CCDC180: variants seen among roughly 807,000 people sequenced by gnomAD.
CCDC180 encodes coiled-coil domain containing 180, also known as coiled-coil domain-containing protein 180.
Under a neutral mutation model 209.2 loss-of-function variants are expected in CCDC180, and 154 were observed. The observed-to-expected ratio is 0.74, with a 90% confidence interval of 0.65 to 0.84. The LOEUF (loss-of-function observed/expected upper bound fraction) is 0.84. Among genes scored for constraint, CCDC180 ranks in the 40% least tolerant of loss-of-function variants. The pLI, the probability that CCDC180 is intolerant of heterozygous loss-of-function variation, is 0.00. For synonymous variants in CCDC180, 778 were observed against 749.1 expected (o/e 1.04, Z -0.63); for missense variants, 1,874 against 1,997.3 (o/e 0.94, Z 1.18).
At chr9:97,320,800 C>G (rs1389951140) in intron 11 of CCDC180, among the ~76,000 whole-genome samples, 2 of 152,138 alleles carry the variant, frequency 1.3e-5, no homozygotes. Flanking sequence ...TGTTGTTAGA[C>G]CCCCAACTGC....
At chr9:97,359,289 G>C (rs576909806) in intron 25 of CCDC180, among the ~76,000 whole-genome samples, 2 of 152,190 alleles carry the variant, frequency 1.3e-5, no homozygotes, top group Non-Finnish European at 2.9e-5. Flanking sequence ...CCCAACCCCT[G>C]CTCTGTCCTC....
intron 18 of CCDC180, 34 bp from the exon 19 acceptor site, chr9:97,343,306 T>C: frequency 7.3e-7 from 1 of 1,378,792 alleles, no homozygotes; most frequent in Non-Finnish European, 1.0e-6. Context: ...CATTTGATGA[T>C]ATCAAGTCAA....
In CCDC180 at chr9:97,366,433, C is replaced by T; in HGVS notation, c.4048-126C>T. 1.0e-6 allele frequency: 1 copy of T among 980,704 alleles called. No homozygotes were observed. Among genetic ancestry groups the T allele is most frequent in the Admixed American group, 2.6e-5 (1 of 38,528 alleles). 60.8% of individuals were successfully genotyped at this position (980,704 alleles called of 1,614,324 possible). A position where few individuals can be genotyped will look rare whatever the true frequency, so the allele number is the denominator to read the frequency against. ...GAAGGAGGAGTGTCTGCTCGTGTCACTTCCACAGGGGATGCCACGAGCAAA... is the reference window on the plus strand; with the variant it reads ...GAAGGAGGAGTGTCTGCTCGTGTCATTTCCACAGGGGATGCCACGAGCAAA... On this transcript the variant is annotated intron_variant, in intron 30 of 36. Coordinates refer to ENST00000529487, the MANE Select transcript of CCDC180 (RefSeq NM_020893.6). This position sits in a 1 kb window ranked among gnomAD's most constrained non-coding sequence, Gnocchi z 4.3.
chr9:97,375,436 A>G lies in CCDC180; in HGVS notation c.4707-18A>G, dbSNP rs1447011845. 3 of 1,614,042 alleles carry G rather than the reference A, an allele frequency of 1.9e-6. No homozygotes were observed. The highest frequency in any genetic ancestry group is 4.5e-5 in the East Asian group (2 of 44,888). On this transcript the variant is annotated intron_variant, in intron 35 of 36. Transcript: ENST00000529487. ...ATGAAGACAAGCCTGTGAGATTTTC[A>G]CACATGTTTGTTTGTAGGAAGTGGC...
chr9:97,344,432 G>C (rs948474918), intron 19 of CCDC180, among the ~76,000 whole-genome samples: 1 of 152,122 alleles, frequency 6.6e-6, no homozygotes, highest in Non-Finnish European at 1.5e-5. Context: ...TCTACCAGAG[G>C]CCATCATCTG....
intron 29 of CCDC180, chr9:97,365,421 C>A: frequency 4.4e-6 from 2 of 459,072 alleles, no homozygotes; most frequent in Non-Finnish European, 7.9e-6. Context: ...ATCATTAAAG[C>A]CAGGTGGTCA....
intron 8 of CCDC180, 142 bp downstream of exon 8, chr9:97,315,088 T>C (rs1019948347): frequency 3.2e-6 from 2 of 622,580 alleles, no homozygotes; most frequent in African/African-American, 3.7e-5. Context: ...CAGGTGGGCC[T>C]CTGAGGTAGA....
At chr9:97,327,322 C>T (rs1448301520) in intron 15 of CCDC180, among the ~76,000 whole-genome samples, 1 of 152,032 alleles carries the variant, frequency 6.6e-6, no homozygotes, top group Non-Finnish European at 1.5e-5. Flanking sequence ...TATACACATA[C>T]ATAGTGTTTT....
intron 25 of CCDC180, among the ~76,000 whole-genome samples, chr9:97,358,681 C>T (rs1172562571): frequency 6.6e-6 from 1 of 152,086 alleles, no homozygotes; most frequent in African/African-American, 2.4e-5. Context: ...CAACTCCGGG[C>T]AAATGACTTA....
intron 24 of CCDC180, among the ~76,000 whole-genome samples, chr9:97,355,950 G>A (rs1031876629): frequency 6.6e-5 from 10 of 152,138 alleles, no homozygotes; most frequent in African/African-American, 2.4e-4. Context: ...GAGCACCAGC[G>A]GGCAGACAGT....
chr9:97,311,808 C>A (rs1043424309), intron 3 of CCDC180, among the ~76,000 whole-genome samples: 6 of 152,176 alleles, frequency 3.9e-5, no homozygotes, highest in African/African-American at 1.4e-4. Context: ...TCCTCAGTTT[C>A]CCCAGGTGGG....
intron 31 of CCDC180, 123 bp from the exon 32 acceptor site, chr9:97,369,798 TA>T: frequency 9.8e-7 from 1 of 1,023,840 alleles, no homozygotes; most frequent in Non-Finnish European, 1.4e-6. Context: ...GAATAGCTCT[TA>T]CCACGTTGGA....
chr9:97,363,440 TG>T (rs754174143), intron 28 of CCDC180: 30 of 312,956 alleles, frequency 9.6e-5, no homozygotes, highest in Non-Finnish European at 1.7e-4. Flanking sequence ...CTGCACATCA[TG>T]GGGCAGAGCT....
In CCDC180 at chr9:97,317,124, G is replaced by C. The variant is rs1209397314; in HGVS notation, c.855G>C (p.Leu285=). The part of the protein sequence containing the change: ...RKALAQLFVN[L]MESTLQQELD... ...CTCTCGCCCAGCTGTTTGTCAACCT[G>C]ATGGAGTCCACCCTGCAGCAGGAGC... The change falls in exon 9 of 37, where the codon CTG becomes CTC. Residue 285 remains leucine (L), a synonymous_variant. Transcript: ENST00000529487. 6.2e-7 allele frequency: 1 copy of C among 1,613,386 alleles called. No homozygotes were observed. Among genetic ancestry groups the C allele is most frequent in the African/African-American group, 1.3e-5 (1 of 74,934 alleles).
rs1413106769 is a variant in CCDC180 at position 97,378,749 on chromosome 9, C to A, written c.*1855C>A. Among the ~76,000 whole-genome samples the A allele has an allele frequency of 6.6e-6, 1 of 152,206 alleles. No homozygotes were observed. The highest frequency in any genetic ancestry group is 1.5e-5 in the Non-Finnish European group (1 of 68,040). The stretch of plus-strand genomic sequence containing the variant: ...TTAGCTCTTTGTACACATCTGTAAT[C>A]ATTCCTTAATCAGAGGGTGGCAGCT... On this transcript the variant is annotated 3_prime_UTR_variant, in exon 37 of 37. Transcript: ENST00000529487.
intron 28 of CCDC180, 88 bp from the exon 29 acceptor site, chr9:97,363,963 C>A: frequency 7.3e-7 from 1 of 1,361,774 alleles, no homozygotes; most frequent in Non-Finnish European, 1.0e-6. Context: ...CCAATGCCTC[C>A]AGAAACCCAG....
In CCDC180 at chr9:97,376,914, T is replaced by TAAAC; in HGVS notation, c.*22_*25dup. The TAAAC allele has an allele frequency of 6.2e-7, 1 of 1,605,542 alleles. No homozygotes were observed. Among genetic ancestry groups the TAAAC allele is most frequent in the East Asian group, 2.2e-5 (1 of 44,774 alleles). On this transcript the variant is annotated 3_prime_UTR_variant, in exon 37 of 37. Coordinates refer to ENST00000529487, the MANE Select transcript of CCDC180 (RefSeq NM_020893.6). ...GTGTGACCCTCCGCCCCACCATGAA[T>TAAAC]AAACACTTTCTTATACAGACTCCTT...
At chr9:97,310,460 A>G (rs1383577078) in intron 3 of CCDC180, among the ~76,000 whole-genome samples, 1 of 152,164 alleles carries the variant, frequency 6.6e-6, no homozygotes, top group Admixed American at 6.5e-5. Context: ...GAACTTCCAA[A>G]TTCAGAAGTT....
chr9:97,359,987 G>A lies in CCDC180; in HGVS notation c.3369G>A (p.Val1123=), dbSNP rs1185316675. 7.4e-6 allele frequency: 12 copies of A among 1,613,650 alleles called. No homozygotes were observed. The highest frequency in any genetic ancestry group is 1.1e-5 in the South Asian group (1 of 90,980). ...CQESRGEKTT[V]TTEELLSFVQ... is the part of the protein sequence containing the mutation. ...TTCCTCCCTTTTCTCACCAGACAGT[G>A]ACCACAGAAGAACTCCTCAGCTTCG... Residue 1123 remains valine (V), a synonymous_variant, in exon 26 of 37, where the codon GTG becomes GTA. Transcript: ENST00000529487.
Sources: gnomAD v4.1 joint callset for allele counts (sites outside exome capture counted in the v4.1 genomes callset) on GRCh38, gnomAD v4.1.1 for gene constraint, Gnocchi (gnomAD v3.1) non-coding constraint, MANE v1.5 for transcripts, NCBI Gene and HGNC (gene_info 2026-07-23, HGNC 2026-07-21) for gene names.